Variants in LARGE1 observed in about 807,000 individuals in gnomAD.
LARGE1 encodes the protein xylosyl- and glucuronyltransferase LARGE1.
Under a neutral mutation model 87.6 loss-of-function variants are expected in LARGE1, and 43 were observed. The observed-to-expected ratio is 0.49, with a 90% CI of 0.38 to 0.63. The LOEUF (loss-of-function observed/expected upper bound fraction) is 0.63. LARGE1 is among the 30% of genes least tolerant of loss of function. LARGE1 has a pLI of 0.00. For synonymous variants in LARGE1, 434 were observed against 394.6 expected (o/e 1.10, Z -1.18); for missense variants, 802 against 1,000.2 (o/e 0.80, Z 2.67).
chr22:33,891,061 GCTGCATACGGTTCTGTGAAC>G (rs1260498686), intron 1 of LARGE1, among the ~76,000 whole-genome samples: 6 of 45,080 alleles, frequency 1.3e-4, no homozygotes, highest in African/African-American at 1.0e-3. Flanking sequence ...CATATGGGAA[GCTGCATACGGTTCTGTGAAC>G]TCTCGTCTCC....
intron 7 of LARGE1, among the ~76,000 whole-genome samples, chr22:33,423,008 A>T (rs1023728928): frequency 1.4e-5 from 2 of 147,076 alleles, no homozygotes; most frequent in Non-Finnish European, 3.0e-5. Context: ...TTTTAAAACC[A>T]TTTTTTTTTT....
At chr22:33,451,323 A>C (rs562006810) in intron 6 of LARGE1, among the ~76,000 whole-genome samples, 2 of 151,922 alleles carry the variant, frequency 1.3e-5, no homozygotes, top group Non-Finnish European at 2.9e-5. Flanking sequence ...GACCACCAAG[A>C]AAAGAACGCT....
At chr22:33,383,781 G>A (rs2065235858) in intron 8 of LARGE1, among the ~76,000 whole-genome samples, 1 of 152,288 alleles carries the variant, frequency 6.6e-6, no homozygotes. Context: ...AACCTTGCCT[G>A]GGAAATATGC....
Position 33,344,918 on chromosome 22 carries a change from G to A in LARGE1, c.1132-7117C>T, listed in dbSNP as rs115485430. 3.5e-3 allele frequency among the ~76,000 whole-genome samples: 526 copies of A among 152,280 alleles called. 2 individuals are homozygous for A. The highest frequency in any genetic ancestry group is 0.012 in the African/African-American group (498 of 41,552). Reference sequence around the variant, plus strand: ...CTTGGGGGCAGGAAAAGCTGGTGGTGTAGGCATTTATTGACAGGCTTTCAC... The same window carrying A: ...CTTGGGGGCAGGAAAAGCTGGTGGTATAGGCATTTATTGACAGGCTTTCAC... On this transcript the variant is annotated intron_variant, in intron 9 of 14. Transcript: ENST00000397394.
At chr22:33,196,416 AT>A (rs1924085794) in intron 11 of LARGE1, among the ~76,000 whole-genome samples, 1 of 152,162 alleles carries the variant, frequency 6.6e-6, no homozygotes, top group African/African-American at 2.4e-5. Context: ...GGGGAAATGT[AT>A]TTTTAAAAGC....
intron 11 of LARGE1, among the ~76,000 whole-genome samples, chr22:33,186,042 T>C (rs992147057): frequency 1.3e-5 from 2 of 152,104 alleles, no homozygotes; most frequent in African/African-American, 2.4e-5. Flanking sequence ...AAGTTCTTTA[T>C]AATAAAAACC....
intron 2 of LARGE1, among the ~76,000 whole-genome samples, chr22:33,689,145 G>GTCTCTCTCTCTC (rs3072287): frequency 1.8e-4 from 27 of 147,616 alleles, no homozygotes; most frequent in South Asian, 1.5e-3. Flanking sequence ...CAAATTTACT[G>GTCTCTCTCTCTC]TCTCTCTCTC....
chr22:33,468,388 G>C (rs983237469), intron 6 of LARGE1, among the ~76,000 whole-genome samples: 1 of 152,134 alleles, frequency 6.6e-6, no homozygotes. Context: ...GATCACTTGA[G>C]TTCAGGAATT....
rs537935761 is a variant in LARGE1 at position 33,437,187 on chromosome 22, T to C, written c.788-4922A>G. On this transcript the variant is annotated intron_variant, in intron 6 of 14. Coordinates refer to ENST00000397394, the MANE Select transcript of LARGE1 (RefSeq NM_133642.5). ...GAGTTTGGAAGCTCCGTTACTGCTT[T>C]AGTCAAGGGTAAATTTCACCTGCAG... 9.1e-4 allele frequency among the ~76,000 whole-genome samples: 139 copies of C among 152,296 alleles called. 3 individuals are homozygous for C. In the South Asian group the frequency reaches 0.026, roughly 28 times the overall value.
intron 13 of LARGE1, among the ~76,000 whole-genome samples, chr22:33,282,289 G>A (rs1221777742): frequency 6.6e-6 from 1 of 152,174 alleles, no homozygotes; most frequent in East Asian, 1.9e-4. Flanking sequence ...AGGTCGCAGT[G>A]AGCCGAGACC....
chr22:33,283,891 G>C (rs943353788), intron 12 of LARGE1, among the ~76,000 whole-genome samples: 3 of 150,124 alleles, frequency 2.0e-5, no homozygotes, highest in Non-Finnish European at 4.4e-5. Flanking sequence ...GAAAGAAAAA[G>C]TAAAGAAAGA....
chr22:33,300,032 C>CT lies in LARGE1; in HGVS notation c.1730+4196dup, dbSNP rs1214523950. Among the ~76,000 whole-genome samples the CT allele has an allele frequency of 3.3e-5, 5 of 152,148 alleles. No individual in the cohort carries two copies. The East Asian group carries it at 9.6e-4, about 29-fold the overall frequency. ...CTGCTCAAAGAGCTAACATGCTGAA[C>CT]TTTTTTTGGTAACCAAATAGAACCC... On this transcript the variant is annotated intron_variant, in intron 12 of 14. Transcript: ENST00000397394.
At position 33,585,358 on chromosome 22, in the gene LARGE1, C is replaced by T. The variant is rs369215451; in HGVS notation, c.615+19077G>A. On this transcript the variant is annotated intron_variant, in intron 5 of 14. Coordinates refer to ENST00000397394, the MANE Select transcript of LARGE1 (RefSeq NM_133642.5). ...ACACACACTGAGACACACATAGAAA[C>T]GCACACACAGGCAAAGACACAAAGA... Among the ~76,000 whole-genome samples, 156 of 152,172 alleles carry T rather than the reference C, an allele frequency of 1.0e-3. 4 individuals carry two copies. In the South Asian group the frequency reaches 0.023, roughly 22 times the overall value.
chr22:33,326,171 T>C (rs539244370), intron 10 of LARGE1, among the ~76,000 whole-genome samples: 1 of 152,288 alleles, frequency 6.6e-6, no homozygotes, highest in South Asian at 2.1e-4. Flanking sequence ...CATTCAGGAC[T>C]GTTGAGTGAA....
chr22:33,858,084 A>G (rs1322511980), intron 1 of LARGE1, among the ~76,000 whole-genome samples: 1 of 152,166 alleles, frequency 6.6e-6, no homozygotes, highest in Non-Finnish European at 1.5e-5. Flanking sequence ...TTCTGTTAGA[A>G]GCCACGAGTC....
At chr22:33,165,613 G>A (rs752089473) in exon 12 of LARGE1, 5 of 152,102 alleles carry the variant, frequency 3.3e-5, no homozygotes, top group Non-Finnish European at 5.9e-5. Context: ...CATTATTAGC[G>A]AGGACACTGG....
rs1375610660 is a variant in LARGE1 at position 33,363,737 on chromosome 22, C to T, written c.1131+18182G>A. 1.3e-5 allele frequency among the ~76,000 whole-genome samples: 2 copies of T among 149,994 alleles called. 1 individual carries two copies. Among genetic ancestry groups the T allele is most frequent in the Non-Finnish European group, 3.0e-5 (2 of 67,248 alleles). ...AAACTGAATAATTATAATACGTCAG[C>T]ACCACTGCTTTTGCACTTTGGAGCC... is the stretch of plus-strand genomic sequence containing the variant. On this transcript the variant is annotated intron_variant, in intron 9 of 14. Transcript: ENST00000397394.
At chr22:33,089,934 G>A in the LARGE1 span, among the ~76,000 whole-genome samples, 1 of 151,754 alleles carries the variant, frequency 6.6e-6, no homozygotes, top group Admixed American at 6.6e-5. Context: ...GTCTGATACT[G>A]TTTATGTGCT....
At chr22:33,289,259 G>A (rs1056178425) in intron 12 of LARGE1, among the ~76,000 whole-genome samples, 1 of 152,084 alleles carries the variant, frequency 6.6e-6, no homozygotes, top group Non-Finnish European at 1.5e-5. Context: ...CGCCCAGCTG[G>A]ACCAAGGAGT....
Sources: gnomAD v4.1 joint callset for allele counts (sites outside exome capture counted in the v4.1 genomes callset) on GRCh38, gnomAD v4.1.1 for gene constraint, MANE v1.5 for transcripts, NCBI Gene and HGNC (gene_info 2026-07-23, HGNC 2026-07-21) for gene names.